The following CFAP161 variants were observed in gnomAD, a reference collection of about 807,000 sequenced individuals.
CFAP161 encodes cilia and flagella associated protein 161.
Under a neutral mutation model 29.0 loss-of-function variants are expected in CFAP161, and 25 were observed. The ratio of observed to expected loss-of-function variants is 0.86; its 90% CI spans 0.63 to 1.20. CFAP161 has a LOEUF of 1.20. CFAP161 is among the 50% of genes most tolerant of loss of function. CFAP161 has a pLI of 0.00. For synonymous variants in CFAP161, 116 were observed against 137.4 expected, an observed-to-expected ratio of 0.84 and a Z score of 1.09; for missense variants, 367 against 371.9, an observed-to-expected ratio of 0.99 and a Z score of 0.11.
chr15:81,142,209 C>G (rs1190598582), intron 4 of CFAP161, among the ~76,000 whole-genome samples: 1 of 152,052 alleles, frequency 6.6e-6, no homozygotes, highest in Non-Finnish European at 1.5e-5. Context: ...ATTGCTTTGC[C>G]CTTTTAGTCT....
At chr15:81,147,022 A>G (rs1228766280) in intron 5 of CFAP161, among the ~76,000 whole-genome samples, 3 of 151,462 alleles carry the variant, frequency 2.0e-5, no homozygotes, top group Non-Finnish European at 4.4e-5. Context: ...GGGACAAAGG[A>G]CAGAACTAAA....
chr15:81,111,072 A>G (rs1894434148), intron 1 of CFAP161, among the ~76,000 whole-genome samples: 1 of 152,246 alleles, frequency 6.6e-6, no homozygotes, highest in South Asian at 2.1e-4. Context: ...GATTATTTTC[A>G]ATATCCTGTC....
chr15:81,122,505 T>A (rs1379378634), intron 1 of CFAP161, among the ~76,000 whole-genome samples: 2 of 151,730 alleles, frequency 1.3e-5, no homozygotes, highest in African/African-American at 4.8e-5. Context: ...CTTTTTTTTT[T>A]TTTTAGATGG....
chr15:81,135,991 C>T (rs553419280), intron 2 of CFAP161, among the ~76,000 whole-genome samples: 9 of 152,226 alleles, frequency 5.9e-5, no homozygotes, highest in African/African-American at 1.2e-4. Context: ...TTATTGAGAC[C>T]GGTAACTTTA....
At chr15:81,112,802 A>G (rs1894454313) in intron 1 of CFAP161, among the ~76,000 whole-genome samples, 1 of 152,252 alleles carries the variant, frequency 6.6e-6, no homozygotes, top group African/African-American at 2.4e-5. Flanking sequence ...AATCATAAAA[A>G]AGAAAACAAT....
At chr15:81,138,577 A>C (rs1894852214) in intron 4 of CFAP161, among the ~76,000 whole-genome samples, 1 of 152,184 alleles carries the variant, frequency 6.6e-6, no homozygotes, top group Non-Finnish European at 1.5e-5. Context: ...GAGATGCTTA[A>C]ATTTGCATAA....
At chr15:81,115,111 T>C (rs1340364070) in intron 1 of CFAP161, among the ~76,000 whole-genome samples, 9 of 152,168 alleles carry the variant, frequency 5.9e-5, no homozygotes, top group Non-Finnish European at 1.3e-4. Context: ...GTGACGACTT[T>C]TGTGCAAGGT....
chr15:81,105,763 G>A (rs1013009060), intron 1 of CFAP161, among the ~76,000 whole-genome samples: 2 of 152,206 alleles, frequency 1.3e-5, no homozygotes, highest in Non-Finnish European at 2.9e-5. Context: ...TTAAGTCCAC[G>A]TGATGTGCAA....
upstream of CFAP161, among the ~76,000 whole-genome samples, chr15:81,133,176 CATATATAT>C (rs141326043): frequency 1.3e-3 from 77 of 60,976 alleles, no homozygotes; most frequent in African/African-American, 1.9e-3. Flanking sequence ...CCTTCATCAG[CATATATAT>C]ATATATATAT....
intron 5 of CFAP161, among the ~76,000 whole-genome samples, chr15:81,145,155 C>T (rs1894986129): frequency 6.6e-6 from 1 of 152,224 alleles, no homozygotes; most frequent in African/African-American, 2.4e-5. Flanking sequence ...TTGCAGGCCA[C>T]TGAGTCCACC....
intron 4 of CFAP161, among the ~76,000 whole-genome samples, chr15:81,141,688 CTT>C (rs111423310): frequency 1.4e-4 from 19 of 140,168 alleles, no homozygotes; most frequent in Non-Finnish European, 1.6e-4. Flanking sequence ...TAGTATTTGC[CTT>C]TTTTTTTTTT....
intron 1 of CFAP161, among the ~76,000 whole-genome samples, chr15:81,103,078 T>TGAC (rs550696148): frequency 1.9e-3 from 292 of 151,728 alleles, no homozygotes; most frequent in African/African-American, 6.6e-3. Flanking sequence ...ATGATGATGA[T>TGAC]GATGATGATG....
intron 5 of CFAP161, among the ~76,000 whole-genome samples, chr15:81,146,558 T>C (rs1595921245): frequency 6.6e-6 from 1 of 151,986 alleles, no homozygotes; most frequent in East Asian, 1.9e-4. Flanking sequence ...ATGTATTTCA[T>C]CCATCCATTA....
chr15:81,102,256 G>C (rs760249428), intron 1 of CFAP161, among the ~76,000 whole-genome samples: 1 of 152,180 alleles, frequency 6.6e-6, no homozygotes, highest in Non-Finnish European at 1.5e-5. Flanking sequence ...CTGGGTCTGA[G>C]AACGTATCAG....
intron 1 of CFAP161, among the ~76,000 whole-genome samples, chr15:81,105,856 A>G (rs183512981): frequency 2.0e-5 from 3 of 152,308 alleles, no homozygotes; most frequent in African/African-American, 7.2e-5. Flanking sequence ...TGTACTACAG[A>G]TGGTCCCAGG....
intron 1 of CFAP161, among the ~76,000 whole-genome samples, chr15:81,100,903 C>T (rs1894296747): frequency 2.0e-5 from 3 of 152,074 alleles, no homozygotes; most frequent in Admixed American, 6.5e-5. Context: ...GCTAGTAGCT[C>T]CTCTCATTTT....
At chr15:81,131,859 G>C (rs549250815), upstream of CFAP161, among the ~76,000 whole-genome samples, 4 of 152,174 alleles carry the variant, frequency 2.6e-5, no homozygotes, top group South Asian at 8.3e-4. Context: ...TAAAAGAAAA[G>C]AGGTCAATAT....
chr15:81,147,445 C>T (rs1895028182), intron 5 of CFAP161, among the ~76,000 whole-genome samples: 1 of 152,238 alleles, frequency 6.6e-6, no homozygotes, highest in Non-Finnish European at 1.5e-5. Context: ...TGAGACTCGC[C>T]TCAATAATTT....
intron 4 of CFAP161, among the ~76,000 whole-genome samples, chr15:81,141,567 C>T (rs1292324720): frequency 3.9e-5 from 6 of 152,074 alleles, no homozygotes; most frequent in East Asian, 1.9e-4. Flanking sequence ...TTAGCAAACC[C>T]TTCTGGGGCA....
Sources: gnomAD v4.1 joint callset for allele counts (sites outside exome capture counted in the v4.1 genomes callset) on GRCh38, gnomAD v4.1.1 for gene constraint, MANE v1.5 for transcripts, NCBI Gene and HGNC (gene_info 2026-07-23, HGNC 2026-07-21) for gene names.